Variants in PCSK5 observed in about 807,000 individuals in gnomAD.
PCSK5 encodes proprotein convertase subtilisin/kexin type 5.
PCSK5 carries 129 observed loss-of-function variants against 233.2 expected under a neutral mutation model. The ratio of observed to expected loss-of-function variants is 0.55; its 90% CI spans 0.48 to 0.64. The LOEUF is 0.64. Ranked by LOEUF, PCSK5 falls within the 30% of genes least tolerant of loss-of-function variation. The pLI is 0.00. For missense variants in PCSK5, 2,076 were observed against 2,430.1 expected (o/e 0.85, Z 3.06); for synonymous variants, 825 against 879.2 (o/e 0.94, Z 1.09).
chr9:76,334,653 C>T (rs1829627232), intron 34 of PCSK5, among the ~76,000 whole-genome samples: 1 of 152,198 alleles, frequency 6.6e-6, no homozygotes, highest in African/African-American at 2.4e-5. Flanking sequence ...ATTGCTTGAA[C>T]CCAGGAGGCC....
chr9:76,003,744 G>T (rs1212863869), intron 3 of PCSK5, among the ~76,000 whole-genome samples: 1 of 152,018 alleles, frequency 6.6e-6, no homozygotes, highest in Non-Finnish European at 1.5e-5. Flanking sequence ...TTTTTTTATA[G>T]ATCTATCCCT....
chr9:75,962,363 C>G (rs576587831), intron 2 of PCSK5, among the ~76,000 whole-genome samples: 1 of 152,332 alleles, frequency 6.6e-6, no homozygotes, highest in South Asian at 2.1e-4. Flanking sequence ...GGCCTGGCAA[C>G]TCGGCAGGTG....
At chr9:75,976,116 C>T (rs950405086) in intron 2 of PCSK5, among the ~76,000 whole-genome samples, 9 of 152,016 alleles carry the variant, frequency 5.9e-5, no homozygotes, top group Admixed American at 3.3e-4. Context: ...ATGAGATGTC[C>T]TAAAGTTTAA....
At chr9:76,258,419 G>T (rs987284624) in intron 24 of PCSK5, among the ~76,000 whole-genome samples, 8 of 152,206 alleles carry the variant, frequency 5.3e-5, no homozygotes, top group African/African-American at 1.9e-4. Flanking sequence ...TTCTTTTGAA[G>T]GGGTGCTTAT....
At chr9:76,219,400 G>A (rs1825648878) in intron 20 of PCSK5, among the ~76,000 whole-genome samples, 1 of 152,026 alleles carries the variant, frequency 6.6e-6, no homozygotes, top group East Asian at 1.9e-4. Context: ...AGGTTCATTG[G>A]GTTGCTAAAA....
intron 3 of PCSK5, among the ~76,000 whole-genome samples, chr9:75,988,495 T>C (rs1432903870): frequency 6.6e-6 from 1 of 152,022 alleles, no homozygotes; most frequent in East Asian, 1.9e-4. Flanking sequence ...TTGCCCAGGC[T>C]TGTCTCGACC....
intron 12 of PCSK5, among the ~76,000 whole-genome samples, chr9:76,168,443 C>A (rs1283632224): frequency 6.6e-6 from 1 of 152,154 alleles, no homozygotes; most frequent in Admixed American, 6.6e-5. Flanking sequence ...CCGCTGCACC[C>A]ACTTATTTCT....
intron 7 of PCSK5, among the ~76,000 whole-genome samples, chr9:76,093,137 C>T (rs1831367413): frequency 7.7e-6 from 1 of 130,554 alleles, no homozygotes; most frequent in African/African-American, 2.8e-5. Flanking sequence ...CTGTGTCACT[C>T]AGCCTGGAGG....
chr9:76,006,018 G>A (rs544523060), intron 3 of PCSK5, among the ~76,000 whole-genome samples: 16 of 149,098 alleles, frequency 1.1e-4, no homozygotes, highest in African/African-American at 2.7e-4. Context: ...ACACCACCAC[G>A]CCCTTTTTTT....
chr9:75,951,988 A>G (rs914058308), intron 2 of PCSK5, among the ~76,000 whole-genome samples: 3 of 152,158 alleles, frequency 2.0e-5, no homozygotes, highest in African/African-American at 7.2e-5. Context: ...AATTTCAACC[A>G]TACAGCCAAA....
intron 32 of PCSK5, among the ~76,000 whole-genome samples, chr9:76,323,745 T>C (rs1829278558): frequency 6.6e-6 from 1 of 152,178 alleles, no homozygotes; most frequent in Admixed American, 6.5e-5. Flanking sequence ...CTTTTATTAG[T>C]GACAAATCAC....
chr9:75,894,961 C>T lies in PCSK5; in HGVS notation c.192+3588C>T, dbSNP rs544494165. ...GTTATTTGAATTCAGGGAGAAGATC[C>T]CTTGTGAACAAACAGATTGTTTACA... On this transcript the variant is annotated intron_variant, in intron 1 of 37. Transcript: ENST00000674117. 7.1e-4 allele frequency among the ~76,000 whole-genome samples: 108 copies of T among 152,246 alleles called. 1 individual carries two copies. In the South Asian group the frequency reaches 0.016, roughly 23 times the overall value.
chr9:76,065,259 C>T (rs549883406), intron 5 of PCSK5, among the ~76,000 whole-genome samples: 125 of 152,126 alleles, frequency 8.2e-4, no homozygotes, highest in African/African-American at 2.8e-3. Flanking sequence ...TACATTCCCA[C>T]CAGCAGTGTT....
intron 2 of PCSK5, among the ~76,000 whole-genome samples, chr9:75,961,955 C>T (rs889198798): frequency 3.3e-5 from 5 of 152,194 alleles, no homozygotes; most frequent in African/African-American, 1.2e-4. Flanking sequence ...GTATCCCCGG[C>T]GCTGTGCTCA....
intron 3 of PCSK5, among the ~76,000 whole-genome samples, chr9:75,990,008 ATTG>A (rs1326471685): frequency 2.0e-5 from 3 of 152,108 alleles, no homozygotes; most frequent in Non-Finnish European, 2.9e-5. Context: ...GTCAATCATA[ATTG>A]TTGTTATTCT....
At chr9:75,924,072 G>C (rs896201367) in intron 1 of PCSK5, among the ~76,000 whole-genome samples, 1 of 152,118 alleles carries the variant, frequency 6.6e-6, no homozygotes, top group East Asian at 1.9e-4. Flanking sequence ...TGCCATAAAG[G>C]TAACATATTC....
rs1830436492 is a variant in PCSK5 at position 76,361,846 on chromosome 9, C to T, written c.*2924C>T. 1 of 152,216 alleles carries T rather than the reference C, an allele frequency of 6.6e-6. No individual in the cohort carries two copies. Among genetic ancestry groups the T allele is most frequent in the Non-Finnish European group, 1.5e-5 (1 of 68,040 alleles). The allele number at this position is 152,216 out of a possible 1,614,324, so 9.4% of individuals were successfully genotyped here. ...TTCTCACCTCTGTGGTTGCAGTTAGCTTACAAAAACGAGCAATTTTGCTTA... is the reference window on the plus strand; with the variant it reads ...TTCTCACCTCTGTGGTTGCAGTTAGTTTACAAAAACGAGCAATTTTGCTTA... On this transcript the variant is annotated 3_prime_UTR_variant, in exon 38 of 38. Transcript: ENST00000674117.
At chr9:76,066,362 T>C (rs1463949732) in intron 5 of PCSK5, among the ~76,000 whole-genome samples, 1 of 152,200 alleles carries the variant, frequency 6.6e-6, no homozygotes, top group African/African-American at 2.4e-5. Context: ...CTTACAACTT[T>C]TATGAGTTTT....
intron 20 of PCSK5, among the ~76,000 whole-genome samples, chr9:76,214,326 A>G (rs971937760): frequency 2.6e-5 from 4 of 151,724 alleles, no homozygotes; most frequent in African/African-American, 9.7e-5. Context: ...ACACACACAT[A>G]TGTGTGTGTG....
Sources: gnomAD v4.1 joint callset for allele counts (sites outside exome capture counted in the v4.1 genomes callset) on GRCh38, gnomAD v4.1.1 for gene constraint, MANE v1.5 for transcripts, NCBI Gene and HGNC (gene_info 2026-07-23, HGNC 2026-07-21) for gene names.